HMBOX1: variants seen among roughly 807,000 people sequenced by gnomAD.
HMBOX1 encodes homeobox containing 1.
Under a neutral mutation model 54.5 loss-of-function variants are expected in HMBOX1, and 14 were observed. The ratio of observed to expected loss-of-function variants is 0.26; its 90% CI spans 0.17 to 0.40. The LOEUF (loss-of-function observed/expected upper bound fraction) is 0.40. Among genes scored for constraint, HMBOX1 ranks in the 10% least tolerant of loss-of-function variants. The pLI is 1.00. For synonymous variants in HMBOX1, 160 were observed against 181.0 expected (o/e 0.88, Z 0.93); for missense variants, 332 against 514.4 (o/e 0.65, Z 3.43).
At chr8:28,892,733 G>A (rs149135516) in intron 1 of HMBOX1, among the ~76,000 whole-genome samples, 1 of 151,548 alleles carries the variant, frequency 6.6e-6, no homozygotes, top group Non-Finnish European at 1.5e-5. Flanking sequence ...CAATTGACCT[G>A]AATAGAAAAA....
At chr8:29,011,428 C>A (rs2132870887) in intron 5 of HMBOX1, among the ~76,000 whole-genome samples, 1 of 152,324 alleles carries the variant, frequency 6.6e-6, no homozygotes, top group South Asian at 2.1e-4. Flanking sequence ...TCCTTTCCTG[C>A]AACAGCTTTC....
rs973669460 is a variant in HMBOX1 at position 28,897,748 on chromosome 8, G to A, written c.-58+7070G>A. On this transcript the variant is annotated intron_variant, in intron 1 of 9. Coordinates refer to ENST00000287701, the MANE Select transcript of HMBOX1 (RefSeq NM_001135726.3). ...TACATGGTATGTTTGTTGCTAGAGAGGATATGTTAGAATCTGTGTTAGATA... is the reference window on the plus strand; with the variant it reads ...TACATGGTATGTTTGTTGCTAGAGAAGATATGTTAGAATCTGTGTTAGATA... Among the ~76,000 whole-genome samples the A allele has an allele frequency of 9.2e-5, 14 of 152,184 alleles. No individual in the cohort carries two copies. In the East Asian group the frequency reaches 1.5e-3, roughly 17 times the overall value.
At chr8:28,940,654 A>G (rs1011893710) in intron 1 of HMBOX1, among the ~76,000 whole-genome samples, 1 of 152,190 alleles carries the variant, frequency 6.6e-6, no homozygotes, top group Non-Finnish European at 1.5e-5. Flanking sequence ...TTGGACAAGC[A>G]ATGGACCAGG....
At chr8:28,932,576 G>A (rs937867520) in intron 1 of HMBOX1, among the ~76,000 whole-genome samples, 1 of 152,004 alleles carries the variant, frequency 6.6e-6, no homozygotes, top group Non-Finnish European at 1.5e-5. Flanking sequence ...TCTTCCATAT[G>A]TTTTCCCCTT....
chr8:29,009,365 T>A, intron 5 of HMBOX1, 183 bp downstream of exon 5: 1 of 720,018 alleles, frequency 1.4e-6, no homozygotes, highest in Non-Finnish European at 1.7e-6. Context: ...TTTATTTTAT[T>A]GTCTAATATT....
rs560676277 is a variant in HMBOX1, at chr8:29,045,774, T to C, written c.934+331T>C. ...GATATTATGAAATAATGTTAAAGTT[T>C]TAAATATTTAAGCAAGCTTTGTCAA... On this transcript the variant is annotated intron_variant, in intron 7 of 9. Coordinates refer to ENST00000287701, the MANE Select transcript of HMBOX1 (RefSeq NM_001135726.3). Among the ~76,000 whole-genome samples the C allele has an allele frequency of 7.9e-5, 12 of 152,372 alleles. No homozygotes were observed. In the South Asian group the frequency reaches 2.5e-3, roughly 32 times the overall value.
intron 1 of HMBOX1, among the ~76,000 whole-genome samples, chr8:28,892,957 T>C (rs924275492): frequency 6.6e-6 from 1 of 152,200 alleles, no homozygotes; most frequent in East Asian, 1.9e-4. Context: ...ATAATAGTCA[T>C]GGAGTTTTTT....
At chr8:28,975,113 C>G (rs1245117379) in intron 3 of HMBOX1, among the ~76,000 whole-genome samples, 1 of 152,086 alleles carries the variant, frequency 6.6e-6, no homozygotes, top group Non-Finnish European at 1.5e-5. Context: ...ATTTTACAAC[C>G]TTTTATCTCC....
intron 1 of HMBOX1, among the ~76,000 whole-genome samples, chr8:28,897,038 A>G (rs1317016790): frequency 6.7e-6 from 1 of 148,334 alleles, no homozygotes; most frequent in Non-Finnish European, 1.5e-5. Context: ...AGGCTGGAGT[A>G]CAATGGCGCG....
At chr8:28,972,185 C>T (rs751975205) in intron 3 of HMBOX1, among the ~76,000 whole-genome samples, 1 of 152,074 alleles carries the variant, frequency 6.6e-6, no homozygotes, top group African/African-American at 2.4e-5. Context: ...TAATTTGATA[C>T]AGCAGTTACA....
intron 1 of HMBOX1, among the ~76,000 whole-genome samples, chr8:28,899,747 T>G (rs1283422334): frequency 6.6e-6 from 1 of 152,184 alleles, no homozygotes; most frequent in Admixed American, 6.5e-5. Context: ...TCCAAGTCTT[T>G]ATTATATTAC....
chr8:28,945,696 T>C (rs1822301480), intron 1 of HMBOX1, among the ~76,000 whole-genome samples: 1 of 152,210 alleles, frequency 6.6e-6, no homozygotes, highest in Admixed American at 6.5e-5. Context: ...ACCTATCGAT[T>C]ATATTTTGAA....
chr8:28,988,165 G>A (rs1319798984), intron 4 of HMBOX1, among the ~76,000 whole-genome samples: 1 of 152,140 alleles, frequency 6.6e-6, no homozygotes, highest in Non-Finnish European at 1.5e-5. Flanking sequence ...TTTCATATCA[G>A]TGGAATCATA....
chr8:28,920,882 C>T (rs1817438559), intron 1 of HMBOX1, among the ~76,000 whole-genome samples: 1 of 152,080 alleles, frequency 6.6e-6, no homozygotes, highest in South Asian at 2.1e-4. Flanking sequence ...TACTTTATAT[C>T]TGACTTAAAG....
intron 1 of HMBOX1, among the ~76,000 whole-genome samples, chr8:28,933,370 CA>C (rs761262901): frequency 9.2e-5 from 14 of 152,114 alleles, no homozygotes; most frequent in Non-Finnish European, 2.1e-4. Flanking sequence ...AATAGACTGC[CA>C]AATAAGCGAT....
Position 29,048,847 on chromosome 8 carries a change from G to T in HMBOX1, c.1031-107G>T, listed in dbSNP as rs986447946. On this transcript the variant is annotated intron_variant, in intron 8 of 9. Coordinates refer to ENST00000287701, the MANE Select transcript of HMBOX1 (RefSeq NM_001135726.3). The stretch of plus-strand genomic sequence containing the variant: ...CAAATGTAGAGAAATACAGGTTCTT[G>T]TTTAATTACATTCTAATTAATTTCC... 22 of 749,574 alleles carry T rather than the reference G, an allele frequency of 2.9e-5. No individual in the cohort carries two copies. The African/African-American group carries it at 3.3e-4, about 11-fold the overall frequency. The allele number at this position is 749,574 out of a possible 1,614,324, so 46.4% of individuals were successfully genotyped here.
chr8:29,051,626 G>A lies in HMBOX1; in HGVS notation c.*471G>A, dbSNP rs1378186749. ...TTTGGGGAGTATCCACAGAGTCAAAGGAACACTAGAATCCCCACCTCAGCG... is the reference window on the plus strand; with the variant it reads ...TTTGGGGAGTATCCACAGAGTCAAAAGAACACTAGAATCCCCACCTCAGCG... On this transcript the variant is annotated 3_prime_UTR_variant, in exon 10 of 10. Coordinates refer to ENST00000287701, the MANE Select transcript of HMBOX1 (RefSeq NM_001135726.3). The A allele has an allele frequency of 7.1e-6, 5 of 702,736 alleles. No homozygotes were observed. The highest frequency in any genetic ancestry group is 1.3e-5 in the Non-Finnish European group (5 of 384,926). The allele number at this position is 702,736 out of a possible 1,614,324, so 43.5% of individuals were successfully genotyped here.
At chr8:29,018,058 A>T (rs1416952525) in intron 5 of HMBOX1, among the ~76,000 whole-genome samples, 1 of 152,174 alleles carries the variant, frequency 6.6e-6, no homozygotes, top group Non-Finnish European at 1.5e-5. Context: ...CAGTGTAAGG[A>T]GTGAAAGAAG....
intron 8 of HMBOX1, among the ~76,000 whole-genome samples, 182 bp from the exon 9 acceptor site, chr8:29,048,772 C>G (rs898235282): frequency 6.6e-6 from 1 of 152,174 alleles, no homozygotes; most frequent in African/African-American, 2.4e-5. Context: ...TGTGTGCCTC[C>G]CCTGACCTAC....
Sources: gnomAD v4.1 joint callset for allele counts (sites outside exome capture counted in the v4.1 genomes callset) on GRCh38, gnomAD v4.1.1 for gene constraint, MANE v1.5 for transcripts, NCBI Gene and HGNC (gene_info 2026-07-23, HGNC 2026-07-21) for gene names.